Variants in AASS observed in about 807,000 individuals in gnomAD.
The protein encoded by AASS is alpha-aminoadipic semialdehyde synthase, mitochondrial.
AASS carries 86 observed loss-of-function variants against 105.4 expected under a neutral mutation model. The observed-to-expected ratio is 0.82, with a 90% CI of 0.69 to 0.98. AASS has a LOEUF of 0.98. Ranked by LOEUF, AASS falls within the 50% of genes least tolerant of loss-of-function variation. The pLI is 0.00. For synonymous variants in AASS, 381 were observed against 394.8 expected, an observed-to-expected ratio of 0.96 and a Z score of 0.41; for missense variants, 1,048 against 1,143.2, an observed-to-expected ratio of 0.92 and a Z score of 1.20.
chr7:122,073,826 A>G lies in AASS; in HGVS notation c.*2663T>C, dbSNP rs1252993485. Among the ~76,000 whole-genome samples, 1 of 152,218 alleles carries G rather than the reference A, an allele frequency of 6.6e-6. No homozygotes were observed. The highest frequency in any genetic ancestry group is 1.5e-5 in the Non-Finnish European group (1 of 68,028). ...CTGGACATTTCATATAAATGAAATC[A>G]TATAATATGTGGCCTTTCATGTCTG... On this transcript the variant is annotated 3_prime_UTR_variant, in exon 24 of 24. Coordinates refer to ENST00000417368, the MANE Select transcript of AASS (RefSeq NM_005763.4).
chr7:122,125,080 C>T (rs933411753), intron 4 of AASS, among the ~76,000 whole-genome samples: 9 of 151,910 alleles, frequency 5.9e-5, no homozygotes, highest in African/African-American at 1.5e-4. Context: ...GCACCACCAA[C>T]GGCTAATTTT....
At chr7:122,129,578 G>C in intron 2 of AASS, 41 bp from the exon 3 acceptor site, 1 of 1,588,894 alleles carries the variant, frequency 6.3e-7, no homozygotes, top group Non-Finnish European at 8.6e-7. Context: ...ATCCTGATTT[G>C]TAATATCCAT....
At chr7:122,141,277 T>G (rs903227201) in intron 1 of AASS, among the ~76,000 whole-genome samples, 1 of 152,150 alleles carries the variant, frequency 6.6e-6, no homozygotes, top group African/African-American at 2.4e-5. Context: ...TCTGAGAATT[T>G]TCATATTTTC....
chr7:122,077,830 A>G lies in AASS; in HGVS notation c.2662+8T>C. 6.2e-7 allele frequency: 1 copy of G among 1,614,180 alleles called. No homozygotes were observed. The highest frequency in any genetic ancestry group is 1.3e-5 in the African/African-American group (1 of 75,056). On this transcript the variant is annotated splice_region_variant and intron_variant, in intron 23 of 23. Transcript: ENST00000417368. ...AAACAGGCTTACACCTCAAATGAAC[A>G]GACTTACCATCAAGCAACATTTTGG...
chr7:122,084,562 A>AT (rs929793745), intron 19 of AASS, among the ~76,000 whole-genome samples: 35 of 151,684 alleles, frequency 2.3e-4, no homozygotes, highest in Middle Eastern at 3.4e-3. Flanking sequence ...TACATGCAGA[A>AT]TTTTTTTTTA....
chr7:122,092,216 T>C (rs1793937458), intron 17 of AASS, among the ~76,000 whole-genome samples: 1 of 151,830 alleles, frequency 6.6e-6, no homozygotes, highest in Non-Finnish European at 1.5e-5. Flanking sequence ...ACAATCTGAA[T>C]CATCCCATTT....
intron 23 of AASS, among the ~76,000 whole-genome samples, chr7:122,076,822 C>T (rs758304637): frequency 1.6e-4 from 25 of 152,296 alleles, no homozygotes; most frequent in Non-Finnish European, 3.4e-4. Context: ...GAAAGCACAG[C>T]CGGACCTAGG....
intron 23 of AASS, among the ~76,000 whole-genome samples, chr7:122,077,305 G>A (rs969867686): frequency 3.3e-5 from 5 of 152,062 alleles, no homozygotes; most frequent in African/African-American, 1.2e-4. Flanking sequence ...TATTCATTTA[G>A]TCTAAAATAT....
intron 19 of AASS, among the ~76,000 whole-genome samples, chr7:122,083,595 A>C (rs187481481): frequency 6.6e-6 from 1 of 152,252 alleles, no homozygotes; most frequent in East Asian, 1.9e-4. Flanking sequence ...GGTAAGCAAA[A>C]ATGCATCACC....
At chr7:122,096,990 T>C (rs1794184274) in intron 15 of AASS, among the ~76,000 whole-genome samples, 1 of 152,114 alleles carries the variant, frequency 6.6e-6, no homozygotes, top group South Asian at 2.1e-4. Context: ...TTTCTTTTCA[T>C]GGTAATATCA....
chr7:122,103,761 T>C (rs1031948724), intron 11 of AASS, among the ~76,000 whole-genome samples: 1 of 151,940 alleles, frequency 6.6e-6, no homozygotes, highest in Non-Finnish European at 1.5e-5. Context: ...AATATGAATA[T>C]ATGTACATAT....
chr7:122,133,129 T>G (rs1475308303), intron 2 of AASS, among the ~76,000 whole-genome samples: 1 of 152,122 alleles, frequency 6.6e-6, no homozygotes, highest in Admixed American at 6.5e-5. Flanking sequence ...CATATATATG[T>G]ATATTGCTAA....
intron 1 of AASS, among the ~76,000 whole-genome samples, chr7:122,134,040 C>T (rs1294078039): frequency 6.6e-6 from 1 of 152,124 alleles, no homozygotes; most frequent in African/African-American, 2.4e-5. Context: ...CTATTCGGCA[C>T]AAAAGTTTTA....
At chr7:122,094,256 G>A (rs1794039144) in intron 15 of AASS, among the ~76,000 whole-genome samples, 1 of 152,010 alleles carries the variant, frequency 6.6e-6, no homozygotes, top group African/African-American at 2.4e-5. Context: ...AAAGTTGAAA[G>A]TAAAATAAAT....
chr7:122,109,687 T>G (rs1301254097), intron 11 of AASS, among the ~76,000 whole-genome samples: 1 of 150,598 alleles, frequency 6.6e-6, no homozygotes, highest in Non-Finnish European at 1.5e-5. Context: ...GACCTAAAAC[T>G]ATGAAACTAC....
intron 3 of AASS, among the ~76,000 whole-genome samples, chr7:122,127,805 C>T (rs1223216305): frequency 6.6e-6 from 1 of 152,130 alleles, no homozygotes; most frequent in Non-Finnish European, 1.5e-5. Context: ...TTCCTAGGCT[C>T]ATCCAGTCTC....
At chr7:122,133,476 G>A (rs760391359) in intron 2 of AASS, 41 bp downstream of exon 2, 2 of 1,596,790 alleles carry the variant, frequency 1.3e-6, no homozygotes, top group East Asian at 2.2e-5. Context: ...TTCATATGCA[G>A]GTTCATTTTA....
At chr7:122,125,363 T>C (rs1202253521) in intron 4 of AASS, among the ~76,000 whole-genome samples, 1 of 152,222 alleles carries the variant, frequency 6.6e-6, no homozygotes, top group Non-Finnish European at 1.5e-5. Context: ...GCTTGTTCCC[T>C]GGTGCCGTAA....
In AASS at chr7:122,075,451, T is replaced by C. The variant is rs145681735; in HGVS notation, c.*1038A>G. ...TCTTGCCTAATTGCCCTTTCTTGACTGTCCAGTACAAGTTGAATAGAAATG... is the reference window on the plus strand; with the variant it reads ...TCTTGCCTAATTGCCCTTTCTTGACCGTCCAGTACAAGTTGAATAGAAATG... On this transcript the variant is annotated 3_prime_UTR_variant, in exon 24 of 24. Coordinates refer to ENST00000417368, the MANE Select transcript of AASS (RefSeq NM_005763.4). 6.6e-6 allele frequency among the ~76,000 whole-genome samples: 1 copy of C among 152,326 alleles called. No individual in the cohort carries two copies. Among genetic ancestry groups the C allele is most frequent in the Admixed American group, 6.5e-5 (1 of 15,300 alleles).
Sources: gnomAD v4.1 joint callset for allele counts (sites outside exome capture counted in the v4.1 genomes callset) on GRCh38, gnomAD v4.1.1 for gene constraint, MANE v1.5 for transcripts, NCBI Gene and HGNC (gene_info 2026-07-23, HGNC 2026-07-21) for gene names.